The following PRAMEF17 variants were observed in gnomAD, a reference collection of about 807,000 sequenced individuals.
PRAMEF17 encodes the protein PRAME family member 17.
A neutral mutation model predicts 36.8 loss-of-function variants in PRAMEF17; 48 were observed. The ratio of observed to expected loss-of-function variants is 1.30; its 90% CI spans 1.03 to 1.66. The LOEUF (loss-of-function observed/expected upper bound fraction) is 1.66, where lower values mean the gene tolerates loss of function less well. PRAMEF17 is among the 40% of genes most tolerant of loss of function. The pLI is 0.00. For synonymous variants in PRAMEF17, 246 were observed against 220.4 expected (o/e 1.12, Z -1.03); for missense variants, 639 against 560.6 (o/e 1.14, Z -1.41).
Position 13,392,442 on chromosome 1 carries a change from C to A in PRAMEF17, c.1365C>A (p.Ile455=), listed in dbSNP as rs1472429895. 1 of 1,611,888 alleles carries A rather than the reference C, an allele frequency of 6.2e-7. No homozygotes were observed. The highest frequency in any genetic ancestry group is 8.5e-7 in the Non-Finnish European group (1 of 1,179,872). Residue 455 remains isoleucine (I), a synonymous_variant, in exon 3 of 3, where the codon ATC becomes ATA. Coordinates refer to ENST00000376098, the MANE Select transcript of PRAMEF17 (RefSeq NM_001099851.3). ...RQPKRIFFGP[I]PCPSCGSWPS... ...CCAAGAGGATCTTTTTTGGTCCCAT[C>A]CCCTGCCCTTCCTGTGGCTCATGGC... is the stretch of plus-strand genomic sequence containing the variant.
Position 13,389,903 on chromosome 1 carries a change from G to A in PRAMEF17, c.246G>A (p.Leu82=). 2 of 1,613,212 alleles carry A rather than the reference G, an allele frequency of 1.2e-6. No individual in the cohort carries two copies. The highest frequency in any genetic ancestry group is 1.1e-5 in the South Asian group (1 of 91,038). ...ATCTGGAGACCTTGCAAGCTGTGCTGAAGGGACTTGATACACTGCTGGCCC... is the reference window on the plus strand; with the variant it reads ...ATCTGGAGACCTTGCAAGCTGTGCTAAAGGGACTTGATACACTGCTGGCCC... The part of the protein sequence containing the change: ...TPHLETLQAV[L]KGLDTLLAQK... The change falls in exon 1 of 3, where the codon CTG becomes CTA. Residue 82 remains leucine, a synonymous_variant. Coordinates refer to ENST00000376098, the MANE Select transcript of PRAMEF17 (RefSeq NM_001099851.3).
Position 13,390,726 on chromosome 1 carries a change from G to A in PRAMEF17, c.673G>A (p.Ala225Thr). 1.2e-6 allele frequency: 2 copies of A among 1,611,998 alleles called. No homozygotes were observed. The highest frequency in any genetic ancestry group is 1.7e-6 in the Non-Finnish European group (2 of 1,179,858). Reference protein sequence around the residue: ...KCSLNKTGKFAPYLSQMSNLR... With the variant: ...KCSLNKTGKFTPYLSQMSNLR... ...CTCTCTGAATAAAACAGGAAAGTTTGCCCCTTACTTGAGCCAGATGAGCAA... is the reference window on the plus strand; with the variant it reads ...CTCTCTGAATAAAACAGGAAAGTTTACCCCTTACTTGAGCCAGATGAGCAA... Residue 225 changes from alanine (A) to threonine (T), a missense_variant, in exon 2 of 3, where the codon GCC (alanine) becomes ACC (threonine). Physicochemically the swap from Ala to Thr is moderately conservative, Grantham distance 58. Coordinates refer to ENST00000376098, the MANE Select transcript of PRAMEF17 (RefSeq NM_001099851.3).
At chr1:13,391,771 CA>C (rs1222578459) in intron 2 of PRAMEF17, among the ~76,000 whole-genome samples, 172 bp from the exon 3 acceptor site, 1 of 152,168 alleles carries the variant, frequency 6.6e-6, no homozygotes, top group Non-Finnish European at 1.5e-5. Context: ...ATGATGGGAA[CA>C]AACTTGTGTT....
rs1640863365 is a variant in PRAMEF17, at chr1:13,390,405, G to A, written c.352G>A (p.Gly118Arg). 2.5e-6 allele frequency: 4 copies of A among 1,612,034 alleles called. 1 individual carries two copies. The highest frequency in any genetic ancestry group is 4.5e-4 in the Middle Eastern group (2 of 4,430). The change falls in exon 2 of 3, where the codon GGA becomes AGA. Residue 118 changes from glycine (G) to arginine (R), a missense_variant. Gly to Arg is a moderately radical substitution (Grantham distance 125). Transcript: ENST00000376098. Reference protein sequence around the residue: ...VDGNFWTIWSGARALSCSPEA... With the variant: ...VDGNFWTIWSRARALSCSPEA... ...TGGGAATTTCTGGACTATATGGTCT[G>A]GAGCCAGGGCCCTCTCCTGCTCCCC...
rs1356178373 is a variant in PRAMEF17 at position 13,392,466 on chromosome 1, G to A, written c.1389G>A (p.Trp463Ter). 1 of 1,612,012 alleles carries A rather than the reference G, an allele frequency of 6.2e-7. No homozygotes were observed. Among genetic ancestry groups the A allele is most frequent in the Non-Finnish European group, 8.5e-7 (1 of 1,179,868 alleles). ...GPIPCPSCGS[W>*]PSEKVDFHLC... ...TCCCCTGCCCTTCCTGTGGCTCATG[G>A]CCATCTGAGAAAGTGGACTTCCATC... The change falls in exon 3 of 3, where the codon TGG (tryptophan) becomes TGA (stop). Residue 463 changes from tryptophan to a stop codon, truncating the protein, a stop_gained. Transcript: ENST00000376098. LOFTEE classifies it high-confidence loss of function.
chr1:13,391,675 G>T (rs1640882159), intron 2 of PRAMEF17, among the ~76,000 whole-genome samples: 1 of 152,144 alleles, frequency 6.6e-6, no homozygotes. Context: ...CACAAGCAAG[G>T]CTGAAAGGAC....
rs200660838 is a variant in PRAMEF17 at position 13,392,135 on chromosome 1, T to C, written c.1058T>C (p.Ile353Thr). ...GAGAAAGTTGCTGCTACTCTCGAGATCCTCACGTTAAAGGACTGTCAGATC... is the reference window on the plus strand; with the variant it reads ...GAGAAAGTTGCTGCTACTCTCGAGACCCTCACGTTAAAGGACTGTCAGATC... Reference protein sequence around the residue: ...LLEKVAATLEILTLKDCQIQD... With the variant: ...LLEKVAATLETLTLKDCQIQD... Residue 353 changes from isoleucine to threonine, a missense_variant, in exon 3 of 3, where the codon ATC becomes ACC. Transcript: ENST00000376098. 281 of 1,611,808 alleles carry C rather than the reference T, an allele frequency of 1.7e-4. 1 individual carries two copies. The highest frequency in any genetic ancestry group is 9.2e-4 in the Admixed American group (55 of 59,982).
chr1:13,390,650 G>T lies in PRAMEF17; in HGVS notation c.597G>T (p.Leu199Phe), dbSNP rs1286541376. Residue 199 changes from leucine to phenylalanine, a missense_variant, in exon 2 of 3, where the codon TTG becomes TTT. By Grantham distance (22) the Leu-to-Phe change is conservative. Transcript: ENST00000376098. ...CCACTTCAAGTTTCAGAAATTTATTGAAAAGGGTATACCCAGACAGTATCC... is the reference window on the plus strand; with the variant it reads ...CCACTTCAAGTTTCAGAAATTTATTTAAAAGGGTATACCCAGACAGTATCC... ...SMPTSSFRNLLKRVYPDSIQE... is the reference protein window; with the variant it reads ...SMPTSSFRNLFKRVYPDSIQE... 1.4e-5 allele frequency: 22 copies of T among 1,611,874 alleles called. No individual in the cohort carries two copies. Among genetic ancestry groups the T allele is most frequent in the Non-Finnish European group, 1.9e-5 (22 of 1,179,846 alleles).
chr1:13,392,070 A>C lies in PRAMEF17; in HGVS notation c.993A>C (p.Leu331=). The C allele has an allele frequency of 6.2e-7, 1 of 1,611,756 alleles. No individual in the cohort carries two copies. Among genetic ancestry groups the C allele is most frequent in the South Asian group, 1.1e-5 (1 of 90,966 alleles). ...AGGAGCTGCATCTGATTCATATCCT[A>C]ATGTGGACTACCAATCTTGAGCCCC... is the stretch of plus-strand genomic sequence containing the variant. ...QLKELHLIHI[L]MWTTNLEPLG... is the part of the protein sequence containing the mutation. Residue 331 remains leucine (L), a synonymous_variant, in exon 3 of 3, where the codon CTA becomes CTC. Coordinates refer to ENST00000376098, the MANE Select transcript of PRAMEF17 (RefSeq NM_001099851.3).
intron 2 of PRAMEF17, among the ~76,000 whole-genome samples, chr1:13,391,588 T>C (rs1398015138): frequency 6.6e-6 from 1 of 152,156 alleles, no homozygotes; most frequent in Non-Finnish European, 1.5e-5. Context: ...ACTGGGCTCC[T>C]CTGGCCCAGA....
Position 13,392,281 on chromosome 1 carries a change from G to A in PRAMEF17, c.1204G>A (p.Gly402Ser), listed in dbSNP as rs544754156. The A allele has an allele frequency of 6.2e-7, 1 of 1,612,020 alleles. No individual in the cohort carries two copies. The highest frequency in any genetic ancestry group is 1.1e-5 in the South Asian group (1 of 90,994). The part of the protein sequence containing the change: ...NALKDLLCHT[G>S]GLSKLGLELY... ...TCTGAAAGACCTGCTGTGTCACACA[G>A]GTGGGCTGAGCAAGTTAGGTCTGGA... is the stretch of plus-strand genomic sequence containing the variant. The change falls in exon 3 of 3, where the codon GGT (glycine) becomes AGT (serine). Residue 402 changes from glycine (G) to serine (S), a missense_variant. Physicochemically the swap from Gly to Ser is moderately conservative, Grantham distance 56. Coordinates refer to ENST00000376098, the MANE Select transcript of PRAMEF17 (RefSeq NM_001099851.3).
In PRAMEF17 at chr1:13,392,238, T is replaced by C. The variant is rs778334593; in HGVS notation, c.1161T>C (p.Asn387=). The C allele has an allele frequency of 1.2e-5, 19 of 1,611,930 alleles. No individual in the cohort carries two copies. The highest frequency in any genetic ancestry group is 4.5e-5 in the East Asian group (2 of 44,852). The change falls in exon 3 of 3, where the codon AAT becomes AAC. Residue 387 remains asparagine, a synonymous_variant. Transcript: ENST00000376098. ...TCACCACCTTCTACTTTCGCGGAAATGAGACCTCCACGAATGCTCTGAAAG... is the reference window on the plus strand; with the variant it reads ...TCACCACCTTCTACTTTCGCGGAAACGAGACCTCCACGAATGCTCTGAAAG... ...SQLTTFYFRG[N]ETSTNALKDL...
Position 13,389,938 on chromosome 1 carries a change from G to T in PRAMEF17, c.281G>T (p.Arg94Leu). Residue 94 changes from arginine (R) to leucine (L), a missense_variant, in exon 1 of 3, where the codon CGC becomes CTC. Physicochemically the swap from Arg to Leu is moderately radical, Grantham distance 102 (BLOSUM62 -2). Transcript: ENST00000376098. ...GATACACTGCTGGCCCAGAAGCTTC[G>T]CCCCAGGTGAGGTGACTCAGGTGGC... ...GLDTLLAQKLRPRRWKLQVLD... is the reference protein window; with the variant it reads ...GLDTLLAQKLLPRRWKLQVLD... 1 of 1,612,542 alleles carries T rather than the reference G, an allele frequency of 6.2e-7. No individual in the cohort carries two copies. Among genetic ancestry groups the T allele is most frequent in the South Asian group, 1.1e-5 (1 of 91,004 alleles).
rs1640901118 is a variant in PRAMEF17, at chr1:13,392,586, T to C, written c.*84T>C. On this transcript the variant is annotated 3_prime_UTR_variant, in exon 3 of 3. Transcript: ENST00000376098. ...TAGGACACAGGTGGGTTTTTTTGTT[T>C]TTTTGTTTTTTTTTTGATGGAGTCT... is the stretch of plus-strand genomic sequence containing the variant. 6.4e-7 allele frequency: 1 copy of C among 1,565,776 alleles called. No homozygotes were observed. Among genetic ancestry groups the C allele is most frequent in the African/African-American group, 1.4e-5 (1 of 70,748 alleles).
At chr1:13,389,993 A>G in intron 1 of PRAMEF17, 49 bp downstream of exon 1, 1 of 1,611,912 alleles carries the variant, frequency 6.2e-7, no homozygotes, top group Non-Finnish European at 8.5e-7. Flanking sequence ...CATCCAGGGA[A>G]GGGACAGCTG....
At chr1:13,390,980 A>G in intron 2 of PRAMEF17, 61 bp downstream of exon 2, 1 of 1,607,612 alleles carries the variant, frequency 6.2e-7, no homozygotes, top group Non-Finnish European at 8.5e-7. Context: ...TCTTTTTCAC[A>G]GTAAACGCTA....
intron 2 of PRAMEF17, 32 bp from the exon 3 acceptor site, chr1:13,391,912 A>C (rs762148385): frequency 2.5e-6 from 4 of 1,606,696 alleles, no homozygotes; most frequent in Non-Finnish European, 3.4e-6. Context: ...AACTGGCACC[A>C]TTGCCCATAA....
Position 13,390,933 on chromosome 1 carries a change from G to A in PRAMEF17, c.866+14G>A. 7 of 1,611,980 alleles carry A rather than the reference G, an allele frequency of 4.3e-6. No homozygotes were observed. The highest frequency in any genetic ancestry group is 2.3e-4 in the Middle Eastern group (1 of 4,430). ...GCACCTGCTCAGGTAAGAAAGGATG[G>A]TGAGCTTTCTCTGCAGACCATACCA... On this transcript the variant is annotated intron_variant, in intron 2 of 2. Transcript: ENST00000376098.
chr1:13,391,746 G>A (rs551378844), intron 2 of PRAMEF17, among the ~76,000 whole-genome samples, 198 bp from the exon 3 acceptor site: 1,963 of 152,220 alleles, frequency 0.013, 41 homozygotes, highest in African/African-American at 0.044. Flanking sequence ...CACCTTGCAC[G>A]CAGACCATCA....
Sources: gnomAD v4.1 joint callset for allele counts (sites outside exome capture counted in the v4.1 genomes callset) on GRCh38, gnomAD v4.1.1 for gene constraint, MANE v1.5 for transcripts, NCBI Gene and HGNC (gene_info 2026-07-23, HGNC 2026-07-21) for gene names.